Variants in RSRC1 observed in about 807,000 individuals in gnomAD.
RSRC1 encodes the protein arginine and serine rich coiled-coil 1.
A neutral mutation model predicts 49.1 loss-of-function variants in RSRC1; 39 were observed. That is an observed-to-expected ratio of 0.79 (90% CI 0.61 to 1.04). The LOEUF (loss-of-function observed/expected upper bound fraction) is 1.04. Ranked by LOEUF, RSRC1 falls within the 50% of genes least tolerant of loss-of-function variation. The probability of loss-of-function intolerance (pLI) is 0.00; values close to 1 mark genes in which losing one functional copy is unlikely to be tolerated. For missense variants in RSRC1, 388 were observed against 402.4 expected (o/e 0.96, Z 0.31); for synonymous variants, 143 against 130.8 (o/e 1.09, Z -0.63).
At chr3:158,461,188 T>A in intron 7 of RSRC1, among the ~76,000 whole-genome samples, 185 bp downstream of exon 7, 1 of 151,940 alleles carries the variant, frequency 6.6e-6, no homozygotes, top group Non-Finnish European at 1.5e-5. Context: ...AAGATTAGTT[T>A]ATAAGCATGC....
At chr3:158,336,333 T>C (rs1729887929) in intron 5 of RSRC1, 2 of 152,262 alleles carry the variant, frequency 1.3e-5, no homozygotes, top group Admixed American at 1.3e-4. Context: ...GAGGTGGGGA[T>C]GCCAATCATA....
intron 7 of RSRC1, chr3:158,469,842 G>A (rs1043251350): frequency 2.0e-5 from 3 of 151,950 alleles, no homozygotes; most frequent in Non-Finnish European, 2.9e-5. Context: ...ACCTATTAAC[G>A]GAAAACAGGT....
chr3:158,129,508 C>T (rs9870745), intron 3 of RSRC1, among the ~76,000 whole-genome samples: 102,147 of 151,600 alleles, frequency 0.67, 34,654 homozygotes, highest in East Asian at 0.83. Flanking sequence ...CCAGGCTGGT[C>T]TTGAACTCCT....
At chr3:158,231,890 T>A (rs928155017) in intron 4 of RSRC1, among the ~76,000 whole-genome samples, 33 of 152,014 alleles carry the variant, frequency 2.2e-4, no homozygotes, top group African/African-American at 8.0e-4. Context: ...CTACTAACTC[T>A]TCAAGCACAA....
intron 3 of RSRC1, among the ~76,000 whole-genome samples, chr3:158,177,405 G>A (rs549422395): frequency 3.6e-4 from 55 of 152,256 alleles, no homozygotes; most frequent in African/African-American, 1.3e-3. Flanking sequence ...ATGCCCATCA[G>A]TGATAGACTG....
At chr3:158,262,040 T>C (rs917483391) in intron 4 of RSRC1, among the ~76,000 whole-genome samples, 6 of 152,198 alleles carry the variant, frequency 3.9e-5, no homozygotes, top group Admixed American at 6.5e-5. Flanking sequence ...AACCTGGTTC[T>C]TGGTGCCAAA....
At chr3:158,352,992 A>G (rs1465301754) in intron 5 of RSRC1, among the ~76,000 whole-genome samples, 3 of 152,190 alleles carry the variant, frequency 2.0e-5, no homozygotes, top group Admixed American at 2.0e-4. Flanking sequence ...ACATATTTCC[A>G]ATACTTTATA....
At chr3:158,406,523 T>G (rs1734169006) in intron 6 of RSRC1, among the ~76,000 whole-genome samples, 1 of 152,128 alleles carries the variant, frequency 6.6e-6, no homozygotes, top group Non-Finnish European at 1.5e-5. Context: ...AGTACTAAAG[T>G]CATTAAAATA....
At chr3:158,418,249 G>GT (rs1734853205) in intron 6 of RSRC1, among the ~76,000 whole-genome samples, 1 of 151,828 alleles carries the variant, frequency 6.6e-6, no homozygotes, top group East Asian at 1.9e-4. Flanking sequence ...AAAAGCCAAG[G>GT]ATATGACCAT....
At chr3:158,217,352 C>CT (rs1559947048) in intron 4 of RSRC1, among the ~76,000 whole-genome samples, 1 of 151,592 alleles carries the variant, frequency 6.6e-6, no homozygotes, top group Non-Finnish European at 1.5e-5. Flanking sequence ...TGTGACTGGG[C>CT]TGGTCACTTA....
At chr3:158,319,283 G>A (rs1728628199) in intron 5 of RSRC1, among the ~76,000 whole-genome samples, 2 of 152,042 alleles carry the variant, frequency 1.3e-5, no homozygotes, top group Admixed American at 1.3e-4. Flanking sequence ...GTTTAAGAGT[G>A]GCACTTCCCC....
intron 5 of RSRC1, among the ~76,000 whole-genome samples, chr3:158,305,041 G>A (rs968640980): frequency 1.1e-4 from 17 of 152,144 alleles, no homozygotes; most frequent in Admixed American, 7.2e-4. Flanking sequence ...CAAGTGATCC[G>A]TTTCTCTGAT....
intron 6 of RSRC1, among the ~76,000 whole-genome samples, chr3:158,439,863 C>T (rs2108371186): frequency 6.6e-6 from 1 of 151,674 alleles, no homozygotes; most frequent in East Asian, 2.0e-4. Context: ...GGACTACTGC[C>T]AAAGTGCATG....
intron 5 of RSRC1, among the ~76,000 whole-genome samples, chr3:158,331,023 G>T (rs1392963739): frequency 6.6e-6 from 1 of 152,150 alleles, no homozygotes; most frequent in Non-Finnish European, 1.5e-5. Context: ...ATGTGCAGGG[G>T]AATTCCCCTT....
intron 4 of RSRC1, among the ~76,000 whole-genome samples, chr3:158,245,339 A>T (rs1000866995): frequency 1.3e-5 from 2 of 152,062 alleles, no homozygotes; most frequent in Non-Finnish European, 2.9e-5. Flanking sequence ...GCTTTTAGTG[A>T]ATTTCTTAAT....
chr3:158,412,508 T>C (rs1477679818), intron 6 of RSRC1, among the ~76,000 whole-genome samples: 5 of 152,178 alleles, frequency 3.3e-5, no homozygotes, highest in Non-Finnish European at 7.4e-5. Context: ...TCTATACATA[T>C]TAAGTGTTCT....
intron 7 of RSRC1, among the ~76,000 whole-genome samples, chr3:158,463,426 G>A (rs978405054): frequency 5.9e-5 from 9 of 151,976 alleles, no homozygotes; most frequent in Admixed American, 1.3e-4. Context: ...CCTTAGATCA[G>A]TATGCATGTG....
intron 5 of RSRC1, among the ~76,000 whole-genome samples, chr3:158,328,998 C>T (rs1729371171): frequency 6.6e-6 from 1 of 152,164 alleles, no homozygotes. Context: ...GATTTTCCAT[C>T]CCTGATACCC....
chr3:158,357,490 C>A (rs1049596975), intron 6 of RSRC1, among the ~76,000 whole-genome samples: 41 of 152,090 alleles, frequency 2.7e-4, no homozygotes, highest in African/African-American at 9.6e-4. Flanking sequence ...CATATTACAC[C>A]TTTTTGAAAA....
Sources: gnomAD v4.1 joint callset for allele counts (sites outside exome capture counted in the v4.1 genomes callset) on GRCh38, gnomAD v4.1.1 for gene constraint, MANE v1.5 for transcripts, NCBI Gene and HGNC (gene_info 2026-07-23, HGNC 2026-07-21) for gene names.